The following TTC38 variants were observed in gnomAD, a reference collection of about 807,000 sequenced individuals.
TTC38 encodes tetratricopeptide repeat domain 38.
TTC38 carries 64 observed loss-of-function variants against 64.2 expected under a neutral mutation model. The observed-to-expected ratio is 1.00, with a 90% CI of 0.81 to 1.23. The LOEUF is 1.23. Ranked by LOEUF, TTC38 falls within the 50% of genes most tolerant of loss-of-function variation. The pLI is 0.00. For synonymous variants in TTC38, 254 were observed against 249.3 expected, an observed-to-expected ratio of 1.02 and a Z score of -0.18; for missense variants, 573 against 615.5, an observed-to-expected ratio of 0.93 and a Z score of 0.73.
chr22:46,273,240 G>A lies in TTC38; in HGVS notation c.194-658G>A, dbSNP rs1032811243. Reference sequence around the variant, plus strand: ...ACCACCTGAATCATCAGCTGGGCTGGGCTGGGCTCGACCATCGGAATCACC... The same window carrying A: ...ACCACCTGAATCATCAGCTGGGCTGAGCTGGGCTCGACCATCGGAATCACC... On this transcript the variant is annotated intron_variant, in intron 3 of 13. Coordinates refer to ENST00000381031, the MANE Select transcript of TTC38 (RefSeq NM_017931.4). This position sits in a 1 kb window ranked among gnomAD's most constrained non-coding sequence, Gnocchi z 5.1. Among the ~76,000 whole-genome samples, 5 of 152,196 alleles carry A rather than the reference G, an allele frequency of 3.3e-5. No homozygotes were observed. The highest frequency in any genetic ancestry group is 1.2e-4 in the African/African-American group (5 of 41,446).
chr22:46,281,751 G>A lies in TTC38; in HGVS notation c.735+33G>A. The A allele has an allele frequency of 1.2e-6, 2 of 1,612,312 alleles. No individual in the cohort carries two copies. The highest frequency in any genetic ancestry group is 1.7e-6 in the Non-Finnish European group (2 of 1,179,722). ...GCTTGTCAATGGGTCACCTCCCTGGGAAATTCAGTGCATCCCCTTGAGTCA... is the reference window on the plus strand; with the variant it reads ...GCTTGTCAATGGGTCACCTCCCTGGAAAATTCAGTGCATCCCCTTGAGTCA... On this transcript the variant is annotated intron_variant, in intron 7 of 13. Coordinates refer to ENST00000381031, the MANE Select transcript of TTC38 (RefSeq NM_017931.4). This position sits in a 1 kb window ranked among gnomAD's most constrained non-coding sequence, Gnocchi z 5.2.
Position 46,272,012 on chromosome 22 carries a change from G to A in TTC38, c.112-323G>A, listed in dbSNP as rs1936906101. On this transcript the variant is annotated intron_variant, in intron 2 of 13. Transcript: ENST00000381031. This position sits in a 1 kb window ranked among gnomAD's most constrained non-coding sequence, Gnocchi z 6.4. ...GATTTATTTTTATTTTTTGTTTTTT[G>A]AGACAGTCTCTCTCTGCCATCCAGG... Among the ~76,000 whole-genome samples the A allele has an allele frequency of 1.3e-5, 2 of 151,528 alleles. No homozygotes were observed. Among genetic ancestry groups the A allele is most frequent in the Non-Finnish European group, 2.9e-5 (2 of 67,878 alleles).
chr22:46,289,992 G>GCTC, intron 13 of TTC38, 93 bp downstream of exon 13: 1 of 1,118,284 alleles, frequency 8.9e-7, no homozygotes, highest in Non-Finnish European at 1.4e-6. Context: ...CCCTTGGCCC[G>GCTC]AGATGCTCCT....
chr22:46,268,564 C>CA lies in TTC38; in HGVS notation c.86dup (p.Leu30AlafsTer15). The CA allele has an allele frequency of 1.2e-6, 2 of 1,614,056 alleles. No homozygotes were observed. Among genetic ancestry groups the CA allele is most frequent in the East Asian group, 4.5e-5 (2 of 44,886 alleles). ...TCTCCACCACAAGCAACGAAGCCTG[C>CA]AAGCTGTTCGATGCCACGCTGACCC... On this transcript the variant is annotated frameshift_variant, in exon 2 of 14. Transcript: ENST00000381031. LOFTEE classifies it high-confidence loss of function.
rs1295273433 is a variant in TTC38 at position 46,282,447 on chromosome 22, A to G, written c.735+729A>G. On this transcript the variant is annotated intron_variant, in intron 7 of 13. Transcript: ENST00000381031. The surrounding 1 kb of genome is among the most constrained non-coding windows in gnomAD (Gnocchi z 4.4). ...TGGACAGACGGGGCTGCATCAGGTG[A>G]GCCTATTGGGCTCAAGGGAGATGGG... Among the ~76,000 whole-genome samples the G allele has an allele frequency of 6.6e-6, 1 of 152,164 alleles. No homozygotes were observed. Among genetic ancestry groups the G allele is most frequent in the Non-Finnish European group, 1.5e-5 (1 of 68,020 alleles).
In TTC38 at chr22:46,282,530, T is replaced by C. The variant is rs950744821; in HGVS notation, c.735+812T>C. ...ACTCAGCGTTTACTGAATACCTGCT[T>C]TGTATTTGGGGCAGCAAGAAATCAG... On this transcript the variant is annotated intron_variant, in intron 7 of 13. Coordinates refer to ENST00000381031, the MANE Select transcript of TTC38 (RefSeq NM_017931.4). The surrounding 1 kb of genome is among the most constrained non-coding windows in gnomAD (Gnocchi z 4.4). Among the ~76,000 whole-genome samples the C allele has an allele frequency of 2.0e-5, 3 of 152,086 alleles. No individual in the cohort carries two copies. Among genetic ancestry groups the C allele is most frequent in the African/African-American group, 7.2e-5 (3 of 41,400 alleles).
intron 6 of TTC38, 92 bp downstream of exon 6, chr22:46,278,753 C>T (rs186448698): frequency 4.2e-4 from 418 of 1,002,912 alleles, no homozygotes; most frequent in Admixed American, 9.0e-4. Context: ...TGTGTGACCC[C>T]GGCGAACCCC....
chr22:46,293,327 C>A lies in TTC38; in HGVS notation c.*443C>A. ...ACCTTTTCATTCTTTTCTTTATATT[C>A]TAGACAGTCTCTGTTGTCTCATTGT... is the stretch of plus-strand genomic sequence containing the variant. On this transcript the variant is annotated 3_prime_UTR_variant, in exon 14 of 14. Coordinates refer to ENST00000381031, the MANE Select transcript of TTC38 (RefSeq NM_017931.4). This position sits in a 1 kb window ranked among gnomAD's most constrained non-coding sequence, Gnocchi z 6.6. 5.6e-6 allele frequency: 1 copy of A among 177,106 alleles called. No individual in the cohort carries two copies. The highest frequency in any genetic ancestry group is 5.5e-5 in the Admixed American group (1 of 18,300). The allele number at this position is 177,106 out of a possible 1,614,324, so 11.0% of individuals were successfully genotyped here. A position where few individuals can be genotyped will look rare whatever the true frequency, so the allele number is the denominator to read the frequency against.
chr22:46,292,383 C>T lies in TTC38; in HGVS notation c.1317-408C>T, dbSNP rs1174763639. 3 of 308,120 alleles carry T rather than the reference C, an allele frequency of 9.7e-6. No homozygotes were observed. The highest frequency in any genetic ancestry group is 1.9e-5 in the Non-Finnish European group (3 of 154,436). 19.1% of individuals were successfully genotyped at this position (308,120 alleles called of 1,614,324 possible). Reference sequence around the variant, plus strand: ...AGGGCACTAATCCCATTCACAAGGGCCCCACCCTCATGACTTAATCACCTC... The same window carrying T: ...AGGGCACTAATCCCATTCACAAGGGTCCCACCCTCATGACTTAATCACCTC... On this transcript the variant is annotated intron_variant, in intron 13 of 13. Coordinates refer to ENST00000381031, the MANE Select transcript of TTC38 (RefSeq NM_017931.4). This position sits in a 1 kb window ranked among gnomAD's most constrained non-coding sequence, Gnocchi z 6.5.
rs143268300 is a variant in TTC38 at position 46,283,292 on chromosome 22, C to G, written c.736-681C>G. On this transcript the variant is annotated intron_variant, in intron 7 of 13. Coordinates refer to ENST00000381031, the MANE Select transcript of TTC38 (RefSeq NM_017931.4). ...GAGCTGTTTAGGCACCCATGGGCCT[C>G]GCACCTCCCTGTGGAGTGGTTCTGT... Among the ~76,000 whole-genome samples, 11 of 152,274 alleles carry G rather than the reference C, an allele frequency of 7.2e-5. No individual in the cohort carries two copies. The East Asian group carries it at 1.7e-3, about 24-fold the overall frequency.
At chr22:46,288,087 G>A (rs926909910) in intron 10 of TTC38, among the ~76,000 whole-genome samples, 2 of 152,132 alleles carry the variant, frequency 1.3e-5, no homozygotes, top group Non-Finnish European at 2.9e-5. Flanking sequence ...TGGGGAGGTC[G>A]GGGGATCCAT....
At position 46,283,956 on chromosome 22, in the gene TTC38, T is replaced by A. The variant is rs758960885; in HGVS notation, c.736-17T>A. 6.4e-7 allele frequency: 1 copy of A among 1,566,104 alleles called. No homozygotes were observed. The highest frequency in any genetic ancestry group is 1.2e-5 in the South Asian group (1 of 85,440). On this transcript the variant is annotated splice_polypyrimidine_tract_variant and intron_variant, in intron 7 of 13. Transcript: ENST00000381031. The stretch of plus-strand genomic sequence containing the variant: ...CTTCAGACTTTTCATAAATTCTCTT[T>A]TTTTTTTTTTCTCCAGGACTCTGAT...
rs1247053638 is a variant in TTC38 at position 46,291,014 on chromosome 22, C to T, written c.1316+1115C>T. On this transcript the variant is annotated intron_variant, in intron 13 of 13. Transcript: ENST00000381031. The surrounding 1 kb of genome is among the most constrained non-coding windows in gnomAD (Gnocchi z 4.6). ...AGGAGGCCCTTGGCTGGTGACAAGC[C>T]CAGTGGTTTAGGCGCAGGTGCACCA... 6.6e-6 allele frequency among the ~76,000 whole-genome samples: 1 copy of T among 152,152 alleles called. No homozygotes were observed. Among genetic ancestry groups the T allele is most frequent in the Non-Finnish European group, 1.5e-5 (1 of 68,028 alleles).
chr22:46,287,844 GC>G (rs1279059173), intron 10 of TTC38, among the ~76,000 whole-genome samples: 3 of 152,248 alleles, frequency 2.0e-5, no homozygotes, highest in Non-Finnish European at 2.9e-5. Flanking sequence ...CATATGTGGG[GC>G]TTGCTGGGCA....
Position 46,268,522 on chromosome 22 carries a change from G to A in TTC38, c.42G>A (p.Lys14=). The change falls in exon 2 of 14, where the codon AAG becomes AAA. Residue 14 remains lysine, a synonymous_variant. Coordinates refer to ENST00000381031, the MANE Select transcript of TTC38 (RefSeq NM_017931.4). ...ASPLRDCQAW[K]DARLPLSTTS... The stretch of plus-strand genomic sequence containing the variant: ...CTTCTTGCCGTCTGTAGGCCTGGAA[G>A]GATGCGAGGCTCCCGCTCTCCACCA... 3 of 1,614,096 alleles carry A rather than the reference G, an allele frequency of 1.9e-6. No individual in the cohort carries two copies. The highest frequency in any genetic ancestry group is 2.5e-6 in the Non-Finnish European group (3 of 1,180,038).
At position 46,282,276 on chromosome 22, in the gene TTC38, C is replaced by A; in HGVS notation, c.735+558C>A. The A allele has an allele frequency of 3.8e-6, 1 of 262,258 alleles. No individual in the cohort carries two copies. The highest frequency in any genetic ancestry group is 3.6e-5 in the South Asian group (1 of 28,006). 16.2% of individuals were successfully genotyped at this position (262,258 alleles called of 1,614,324 possible). ...GCTGCTTACTTTGGTGTCCTAGAGC[C>A]CAGGTACAAGGCGGACATGGGCTGT... On this transcript the variant is annotated intron_variant, in intron 7 of 13. Coordinates refer to ENST00000381031, the MANE Select transcript of TTC38 (RefSeq NM_017931.4). This position sits in a 1 kb window ranked among gnomAD's most constrained non-coding sequence, Gnocchi z 4.4.
intron 13 of TTC38, among the ~76,000 whole-genome samples, chr22:46,290,607 T>C (rs1601887599): frequency 9.4e-6 from 1 of 106,442 alleles, no homozygotes; most frequent in African/African-American, 3.9e-5. Flanking sequence ...GGCTGGAGGG[T>C]GAGTGTTAGG....
chr22:46,283,096 T>C (rs1003088653), intron 7 of TTC38, among the ~76,000 whole-genome samples: 3 of 151,218 alleles, frequency 2.0e-5, no homozygotes, highest in Admixed American at 2.0e-4. Context: ...ACCTGGCTAA[T>C]TAAAAAAATT....
rs141331617 is a variant in TTC38 at position 46,287,096 on chromosome 22, C to T, written c.858C>T (p.Asn286=). Residue 286 remains asparagine, a synonymous_variant, in exon 10 of 14, where the codon AAC becomes AAT. Coordinates refer to ENST00000381031, the MANE Select transcript of TTC38 (RefSeq NM_017931.4). Reference sequence around the variant, plus strand: ...AGATCCTTCCCAGCCTGCAGGCCAACGATGCAATGCTGGACGTGGTGGACA... The same window carrying T: ...AGATCCTTCCCAGCCTGCAGGCCAATGATGCAATGCTGGACGTGGTGGACA... ...DTHILPSLQA[N]DAMLDVVDSC... 19,452 of 1,603,704 alleles carry T rather than the reference C, an allele frequency of 0.012. 169 individuals carry two copies. Among genetic ancestry groups the T allele is most frequent in the Middle Eastern group, 0.018 (108 of 6,038 alleles).
Sources: allele counts gnomAD v4.1 joint callset (sites outside exome capture counted in the v4.1 genomes callset), GRCh38; gene constraint gnomAD v4.1.1; non-coding constraint Gnocchi (gnomAD v3.1); transcripts MANE v1.5; gene names NCBI Gene and HGNC (gene_info 2026-07-23, HGNC 2026-07-21).